TSC22D1: variants seen among roughly 807,000 people sequenced by gnomAD.
TSC22D1 encodes TSC22 domain family member 1, also known as TSC22 domain family protein 1.
In TSC22D1, 9 loss-of-function variants were observed where a neutral mutation model predicts 74.2. The observed-to-expected ratio is 0.12, with a 90% confidence interval of 0.07 to 0.21. The LOEUF (loss-of-function observed/expected upper bound fraction) is 0.21. Among genes scored for constraint, TSC22D1 ranks in the 10% least tolerant of loss-of-function variants. The probability of loss-of-function intolerance (pLI) is 1.00; values close to 1 mark genes in which losing one functional copy is unlikely to be tolerated. For synonymous variants in TSC22D1, 586 were observed against 492.5 expected, an observed-to-expected ratio of 1.19 and a Z score of -2.51; for missense variants, 1,427 against 1,304.7, an observed-to-expected ratio of 1.09 and a Z score of -1.44.
At chr13:44,477,638 ATTTTTTTTTT>A (rs35355914) in intron 1 of TSC22D1, among the ~76,000 whole-genome samples, 2 of 125,390 alleles carry the variant, frequency 1.6e-5, no homozygotes, top group African/African-American at 5.9e-5. Context: ...GTGCTCATAG[ATTTTTTTTTT>A]TTTTTTTTTT....
chr13:44,542,134 T>C (rs1881508413), intron 1 of TSC22D1, among the ~76,000 whole-genome samples: 1 of 152,106 alleles, frequency 6.6e-6, no homozygotes, highest in Non-Finnish European at 1.5e-5. Context: ...CAAATTTCCT[T>C]TAGTTTCCTT....
At chr13:44,537,686 T>C (rs1480865641) in intron 1 of TSC22D1, 45 of 984,790 alleles carry the variant, frequency 4.6e-5, no homozygotes, top group Middle Eastern at 5.2e-4. Flanking sequence ...TAATCACTTA[T>C]GGGAATTCAA....
intron 1 of TSC22D1, among the ~76,000 whole-genome samples, chr13:44,556,760 G>A (rs1012873855): frequency 1.3e-5 from 2 of 152,094 alleles, no homozygotes; most frequent in Admixed American, 6.5e-5. Context: ...CAGCTACTCA[G>A]GAGGCTGAGG....
intron 1 of TSC22D1, among the ~76,000 whole-genome samples, chr13:44,459,069 C>T (rs1018854191): frequency 2.0e-5 from 3 of 152,150 alleles, no homozygotes; most frequent in Non-Finnish European, 2.9e-5. Context: ...GGGTGGAGTC[C>T]GTGGGATGGC....
At chr13:44,517,085 C>G (rs144610727) in intron 1 of TSC22D1, among the ~76,000 whole-genome samples, 1 of 152,132 alleles carries the variant, frequency 6.6e-6, no homozygotes, top group African/African-American at 2.4e-5. Context: ...GAGATATACA[C>G]GTGTGTGTTT....
intron 1 of TSC22D1, chr13:44,539,615 G>A (rs957726267): frequency 2.0e-6 from 2 of 985,082 alleles, no homozygotes; most frequent in African/African-American, 3.5e-5. Context: ...ATTTTTGAAT[G>A]AGTACTAGTT....
At chr13:44,576,378 C>A (rs1262781703), upstream of TSC22D1, 1 of 324,182 alleles carries the variant, frequency 3.1e-6, no homozygotes, top group Non-Finnish European at 5.7e-6. Flanking sequence ...ACGTGGGGTG[C>A]GGGGCAGGAG....
chr13:44,550,888 G>C (rs577188380), intron 1 of TSC22D1, among the ~76,000 whole-genome samples: 2 of 151,408 alleles, frequency 1.3e-5, no homozygotes, highest in Admixed American at 1.3e-4. Context: ...GCTGCAATGA[G>C]CTATGACTGC....
At chr13:44,500,834 A>G (rs1169628663) in intron 1 of TSC22D1, among the ~76,000 whole-genome samples, 1 of 152,052 alleles carries the variant, frequency 6.6e-6, no homozygotes, top group Non-Finnish European at 1.5e-5. Context: ...ACAGATGCAC[A>G]CCACCATGCC....
At chr13:44,534,231 G>GAA (rs375484588) in intron 1 of TSC22D1, among the ~76,000 whole-genome samples, 2,354 of 99,936 alleles carry the variant, frequency 0.024, 65 homozygotes, top group African/African-American at 0.071. Context: ...GTCTCAAGGA[G>GAA]AAAAAAAAAA....
rs993809717 is a variant in TSC22D1 at position 44,575,396 on chromosome 13, G to T, written c.679C>A (p.His227Asn). 4.3e-6 allele frequency: 7 copies of T among 1,613,822 alleles called. No homozygotes were observed. The highest frequency in any genetic ancestry group is 5.9e-6 in the Non-Finnish European group (7 of 1,179,906). ...CCATGTTGGAGGTGGTGCCCATGATGAATCTGATGGTGGTGATGGAGGTGG... is the reference window on the plus strand; with the variant it reads ...CCATGTTGGAGGTGGTGCCCATGATTAATCTGATGGTGGTGATGGAGGTGG... Reference protein sequence around the residue: ...PHHLHHHHQIHHGHHLQHGHH... With the variant: ...PHHLHHHHQINHGHHLQHGHH... Residue 227 changes from histidine to asparagine, a missense_variant, in exon 1 of 3, where the codon CAT becomes AAT. By Grantham distance (68) the His-to-Asn change is moderately conservative. Transcript: ENST00000458659.
chr13:44,449,855 A>T (rs997291312), intron 1 of TSC22D1, among the ~76,000 whole-genome samples: 1 of 152,340 alleles, frequency 6.6e-6, no homozygotes, highest in East Asian at 1.9e-4. Context: ...AACTTTCTAT[A>T]CATTAGCTCT....
At chr13:44,447,833 CTTTTTTTTTTTTT>C (rs5803260) in intron 1 of TSC22D1, among the ~76,000 whole-genome samples, 2 of 129,470 alleles carry the variant, frequency 1.5e-5, no homozygotes, top group African/African-American at 5.8e-5. Context: ...AATGCCTTTT[CTTTTTTTTTTTTT>C]TTTTTTTAAG....
At chr13:44,534,522 T>C (rs1195670743) in intron 1 of TSC22D1, among the ~76,000 whole-genome samples, 1 of 152,186 alleles carries the variant, frequency 6.6e-6, no homozygotes, top group African/African-American at 2.4e-5. Context: ...TCTATTTTCC[T>C]ATCTTGTCCA....
intron 1 of TSC22D1, among the ~76,000 whole-genome samples, chr13:44,550,587 A>G (rs775006081): frequency 4.6e-4 from 44 of 95,150 alleles, no homozygotes; most frequent in South Asian, 5.9e-4. Flanking sequence ...TGTCTCGGGG[A>G]AAAAAAAAAA....
intron 1 of TSC22D1, among the ~76,000 whole-genome samples, chr13:44,528,047 C>A (rs890415470): frequency 6.6e-6 from 1 of 151,914 alleles, no homozygotes; most frequent in Non-Finnish European, 1.5e-5. Context: ...AAATATGAGA[C>A]AAAAACTGAT....
intron 1 of TSC22D1, among the ~76,000 whole-genome samples, chr13:44,572,296 A>C (rs1883822249): frequency 6.6e-6 from 1 of 152,214 alleles, no homozygotes; most frequent in Non-Finnish European, 1.5e-5. Context: ...TATTATTTCC[A>C]ATCTACGTGA....
At position 44,433,057 on chromosome 13, in the gene TSC22D1, C is replaced by T. The variant is rs1462633022; in HGVS notation, c.*1569G>A. The stretch of plus-strand genomic sequence containing the variant: ...GAAACTCATCCTACACTAGGAGAAA[C>T]ATCCCAACCCAGGGTGACAGGGTTC... On this transcript the variant is annotated 3_prime_UTR_variant, in exon 3 of 3. Coordinates refer to ENST00000458659, the MANE Select transcript of TSC22D1 (RefSeq NM_183422.4). 6.6e-6 allele frequency: 1 copy of T among 152,186 alleles called. No homozygotes were observed. The highest frequency in any genetic ancestry group is 1.5e-5 in the Non-Finnish European group (1 of 68,044). The allele number at this position is 152,186 out of a possible 1,614,324, so 9.4% of individuals were successfully genotyped here. A position where few individuals can be genotyped will look rare whatever the true frequency, so the allele number is the denominator to read the frequency against.
chr13:44,574,391 G>C lies in TSC22D1; in HGVS notation c.1684C>G (p.Leu562Val). Residue 562 changes from leucine (L) to valine (V), a missense_variant, in exon 1 of 3, where the codon CTT becomes GTT. Transcript: ENST00000458659. ...QELSYQQKQG[L>V]QPVPLQATMS... ...GTGGCTTGCAGAGGTACTGGCTGAA[G>C]ACCTTGCTTTTGCTGATAGCTCAGT... 1.9e-6 allele frequency: 3 copies of C among 1,614,258 alleles called. No individual in the cohort carries two copies. Among genetic ancestry groups the C allele is most frequent in the Non-Finnish European group, 2.5e-6 (3 of 1,180,052 alleles).
Sources: allele counts gnomAD v4.1 joint callset (sites outside exome capture counted in the v4.1 genomes callset), GRCh38; gene constraint gnomAD v4.1.1; transcripts MANE v1.5; gene names NCBI Gene and HGNC (gene_info 2026-07-23, HGNC 2026-07-21).